Variants in PTPN3 observed in about 807,000 individuals in gnomAD.
The protein encoded by PTPN3 is tyrosine-protein phosphatase non-receptor type 3.
A neutral mutation model predicts 132.7 loss-of-function variants in PTPN3; 96 were observed. That is an observed-to-expected ratio of 0.72 (90% CI 0.61 to 0.86). The LOEUF (loss-of-function observed/expected upper bound fraction) is 0.86, where lower values mean the gene tolerates loss of function less well. Ranked by LOEUF, PTPN3 falls within the 40% of genes least tolerant of loss-of-function variation. PTPN3 has a pLI of 0.00. For synonymous variants in PTPN3, 398 were observed against 429.0 expected, an observed-to-expected ratio of 0.93 and a Z score of 0.89; for missense variants, 1,125 against 1,159.6, an observed-to-expected ratio of 0.97 and a Z score of 0.43.
intron 1 of PTPN3, among the ~76,000 whole-genome samples, chr9:109,475,849 T>C (rs76870538): frequency 0.02 from 3,049 of 152,288 alleles, 52 homozygotes; most frequent in Non-Finnish European, 0.03. Context: ...TGCCAGCCTC[T>C]GTTCCCGCCA....
intron 7 of PTPN3, among the ~76,000 whole-genome samples, chr9:109,441,752 T>C (rs1028789960): frequency 6.6e-6 from 1 of 152,178 alleles, no homozygotes; most frequent in Non-Finnish European, 1.5e-5. Flanking sequence ...GATCACTTTT[T>C]TTTTTTTAAG....
intron 12 of PTPN3, among the ~76,000 whole-genome samples, chr9:109,425,547 C>T (rs1843190963): frequency 6.6e-6 from 1 of 151,162 alleles, no homozygotes; most frequent in African/African-American, 2.4e-5. Flanking sequence ...CCTGTCTCTA[C>T]TAAAAATGCA....
Position 109,483,351 on chromosome 9 carries a change from A to G in PTPN3, c.-18+14868T>C, listed in dbSNP as rs1847053841. Among the ~76,000 whole-genome samples, 4 of 152,158 alleles carry G rather than the reference A, an allele frequency of 2.6e-5. No homozygotes were observed. The South Asian group carries it at 8.3e-4, about 31-fold the overall frequency. On this transcript the variant is annotated intron_variant, in intron 1 of 25. Transcript: ENST00000374541. ...GGCTCTCCTACTCCCTTTTGATCAC[A>G]GGCTTTACTCATTCTTCCTTCAAAA...
intron 19 of PTPN3, 106 bp from the exon 20 acceptor site, chr9:109,391,667 G>A (rs969691679): frequency 5.6e-6 from 5 of 896,140 alleles, no homozygotes; most frequent in Admixed American, 2.8e-5. Context: ...ATTTTAAAGT[G>A]ATTATGTGTT....
intron 5 of PTPN3, 45 bp from the exon 6 acceptor site, chr9:109,448,900 A>C: frequency 6.7e-7 from 1 of 1,498,676 alleles, no homozygotes; most frequent in Non-Finnish European, 8.9e-7. Context: ...AACTGAAATA[A>C]GCAAAAAAAA....
At chr9:109,524,313 T>C in the PTPN3 span, among the ~76,000 whole-genome samples, 4 of 39,352 alleles carry the variant, frequency 1.0e-4, 2 homozygotes, top group Non-Finnish European at 1.9e-4. Flanking sequence ...GTGCCAGTTG[T>C]TTTGCTGCTG....
chr9:109,428,085 G>A (rs1328228662), intron 11 of PTPN3, among the ~76,000 whole-genome samples: 2 of 152,198 alleles, frequency 1.3e-5, no homozygotes, highest in Admixed American at 1.3e-4. Flanking sequence ...CATCATGGGA[G>A]GGAACTGACC....
chr9:109,406,506 C>T lies in PTPN3; in HGVS notation c.1748G>A (p.Arg583Gln), dbSNP rs764989133. 25 of 1,614,018 alleles carry T rather than the reference C, an allele frequency of 1.5e-5. No individual in the cohort carries two copies. The Admixed American group carries it at 2.2e-4, about 14-fold the overall frequency. Reference sequence around the variant, plus strand: ...GGCCAGCTCCCGTGAGTGGGACTCCCGGCTGGCTTTGATGAACATCACCAC... The same window carrying T: ...GGCCAGCTCCCGTGAGTGGGACTCCTGGCTGGCTTTGATGAACATCACCAC... Reference protein sequence around the residue: ...DQVVMFIKASRESHSRELALV... With the variant: ...DQVVMFIKASQESHSRELALV... The change falls in exon 18 of 26, where the codon CGG becomes CAG. Residue 583 changes from arginine (R) to glutamine (Q), a missense_variant. By Grantham distance (43) the Arg-to-Gln change is conservative (BLOSUM62 1). Transcript: ENST00000374541.
At chr9:109,470,352 T>C (rs1361682036) in intron 1 of PTPN3, among the ~76,000 whole-genome samples, 1 of 152,188 alleles carries the variant, frequency 6.6e-6, no homozygotes, top group Non-Finnish European at 1.5e-5. Context: ...TCACTCGCAT[T>C]GCTCACGCCT....
intron 1 of PTPN3, among the ~76,000 whole-genome samples, chr9:109,482,651 C>T (rs1206681132): frequency 6.6e-6 from 1 of 152,184 alleles, no homozygotes; most frequent in Non-Finnish European, 1.5e-5. Context: ...ATTTCTGCAT[C>T]CCCAACCCTG....
At chr9:109,463,204 TA>T (rs1310646257) in intron 2 of PTPN3, 92 bp downstream of exon 2, 2 of 1,268,494 alleles carry the variant, frequency 1.6e-6, no homozygotes, top group Non-Finnish European at 1.1e-6. Context: ...CATTTTAAAA[TA>T]TTTTTTTCTT....
At chr9:109,423,222 T>C (rs1843002177) in intron 12 of PTPN3, among the ~76,000 whole-genome samples, 1 of 152,252 alleles carries the variant, frequency 6.6e-6, no homozygotes, top group South Asian at 2.1e-4. Flanking sequence ...TAACCATTTT[T>C]TCAGGTGCTC....
chr9:109,528,405 AG>A, the PTPN3 span, among the ~76,000 whole-genome samples: 1 of 152,246 alleles, frequency 6.6e-6, no homozygotes, highest in African/African-American at 2.4e-5. Context: ...TCAATGAAAA[AG>A]GTCAAACTAC....
intron 19 of PTPN3, among the ~76,000 whole-genome samples, chr9:109,392,103 A>G (rs150366103): frequency 3.5e-4 from 53 of 152,344 alleles, no homozygotes; most frequent in African/African-American, 1.1e-3. Context: ...GAAAAATCTC[A>G]AACAACACAA....
chr9:109,433,972 C>T (rs1843851216), intron 9 of PTPN3, among the ~76,000 whole-genome samples: 2 of 138,034 alleles, frequency 1.4e-5, no homozygotes, highest in Admixed American at 7.4e-5. Context: ...GTGTATCCAA[C>T]ATTTATGCAT....
chr9:109,465,298 C>T (rs185431035), intron 1 of PTPN3, among the ~76,000 whole-genome samples: 80 of 152,158 alleles, frequency 5.3e-4, no homozygotes, highest in African/African-American at 1.8e-3. Context: ...ATGAAGCAGC[C>T]GGGCACGGTG....
Position 109,420,461 on chromosome 9 carries a change from C to A in PTPN3, c.1276G>T (p.Asp426Tyr). Residue 426 changes from aspartate to tyrosine, a missense_variant, in exon 14 of 26, where the codon GAT becomes TAT. By Grantham distance (160) the Asp-to-Tyr change is radical (BLOSUM62 -3). Transcript: ENST00000374541. ...CTTCGGTTCTGAGAAACTTCAGAAT[C>A]GCTGTCTTGAGGGGCCAGAGAGCCC... ...YKGSLAPQDSDSEVSQNRSPH... is the reference protein window; with the variant it reads ...YKGSLAPQDSYSEVSQNRSPH... The A allele has an allele frequency of 6.2e-7, 1 of 1,609,730 alleles. No individual in the cohort carries two copies. The highest frequency in any genetic ancestry group is 1.7e-5 in the Admixed American group (1 of 59,916).
chr9:109,533,126 A>ATT, the PTPN3 span, among the ~76,000 whole-genome samples: 191 of 36,542 alleles, frequency 5.2e-3, 32 homozygotes, highest in African/African-American at 0.012. Context: ...TACCTGGCTA[A>ATT]TTTTTTTTTT....
chr9:109,413,064 G>A (rs1842201272), intron 14 of PTPN3, among the ~76,000 whole-genome samples: 2 of 151,214 alleles, frequency 1.3e-5, no homozygotes, highest in South Asian at 4.2e-4. Context: ...TCCTGCCTCA[G>A]TCTCCCATGT....
Sources: allele counts gnomAD v4.1 joint callset (sites outside exome capture counted in the v4.1 genomes callset), GRCh38; gene constraint gnomAD v4.1.1; transcripts MANE v1.5; gene names NCBI Gene and HGNC (gene_info 2026-07-23, HGNC 2026-07-21).